CREBBP: variants seen among roughly 807,000 people sequenced by gnomAD.
CREBBP encodes CREB binding lysine acetyltransferase.
Under a neutral mutation model 265.0 loss-of-function variants are expected in CREBBP, and 19 were observed. The ratio of observed to expected loss-of-function variants is 0.07; its 90% CI spans 0.05 to 0.11. CREBBP has a LOEUF of 0.11. Among genes scored for constraint, CREBBP ranks in the 10% least tolerant of loss-of-function variants. The probability of loss-of-function intolerance (pLI) is 1.00; values close to 1 mark genes in which losing one functional copy is unlikely to be tolerated. For missense variants in CREBBP, 2,525 were observed against 3,219.0 expected (o/e 0.78, Z 5.22); for synonymous variants, 1,457 against 1,223.7 (o/e 1.19, Z -3.98).
intron 16 of CREBBP, among the ~76,000 whole-genome samples, chr16:3,762,581 C>A (rs2052747665): frequency 6.6e-6 from 1 of 152,044 alleles, no homozygotes; most frequent in African/African-American, 2.4e-5. Context: ...CTGCGCCGCT[C>A]CCCTCCTCTG....
chr16:3,843,285 A>C (rs2054601308), intron 2 of CREBBP, among the ~76,000 whole-genome samples: 1 of 152,150 alleles, frequency 6.6e-6, no homozygotes, highest in South Asian at 2.1e-4. Context: ...ACAAAGATTA[A>C]AAGTTAAGTA....
intron 3 of CREBBP, among the ~76,000 whole-genome samples, chr16:3,799,030 C>G (rs1456006635): frequency 6.6e-6 from 1 of 152,208 alleles, no homozygotes; most frequent in Non-Finnish European, 1.5e-5. Flanking sequence ...CATACTACAA[C>G]ATGAACTCCG....
At chr16:3,833,868 T>A (rs2054390873) in intron 2 of CREBBP, among the ~76,000 whole-genome samples, 1 of 152,182 alleles carries the variant, frequency 6.6e-6, no homozygotes, top group African/African-American at 2.4e-5. Flanking sequence ...GGAGAAAATA[T>A]GTGCAAGAAA....
chr16:3,773,879 G>C lies in CREBBP; in HGVS notation c.2335C>G (p.His779Asp), dbSNP rs1567302047. 6.2e-7 allele frequency: 1 copy of C among 1,612,294 alleles called. No individual in the cohort carries two copies. Among genetic ancestry groups the C allele is most frequent in the East Asian group, 2.2e-5 (1 of 44,890 alleles). The change falls in exon 13 of 31, where the codon CAC becomes GAC. Residue 779 changes from histidine to aspartate, a missense_variant. His to Asp is a moderately conservative substitution (Grantham distance 81). Transcript: ENST00000262367. ...GCCTGGGCCATCATGTTGTTGGTGT[G>C]TGCACCCATCATGTTCGGAGGCTGA... Reference protein sequence around the residue: ...MPQPPNMMGAHTNNMMAQAPA... With the variant: ...MPQPPNMMGADTNNMMAQAPA...
chr16:3,831,027 G>A (rs1410008051), intron 2 of CREBBP, among the ~76,000 whole-genome samples: 2 of 152,106 alleles, frequency 1.3e-5, no homozygotes, highest in African/African-American at 2.4e-5. Flanking sequence ...TGATCTGTCC[G>A]CCTTGGCCTC....
rs1467582916 is a variant in CREBBP at position 3,773,764 on chromosome 16, G to C, written c.2450C>G (p.Thr817Arg). 2 of 1,613,916 alleles carry C rather than the reference G, an allele frequency of 1.2e-6. No homozygotes were observed. Among genetic ancestry groups the C allele is most frequent in the Admixed American group, 1.7e-5 (1 of 60,012 alleles). Residue 817 changes from threonine to arginine, a missense_variant, in exon 13 of 31, where the codon ACA (threonine) becomes AGA (arginine). Physicochemically the swap from Thr to Arg is moderately conservative, Grantham distance 71. Transcript: ENST00000262367. ...SVGMGQPPAQ[T>R]GVSQGQVPGA... ...GGGGCACAGTACCTGTGACACGCCT[G>C]TTTGGGCTGGCGGCTGCCCCATGCC...
chr16:3,736,974 G>T, intron 26 of CREBBP, 159 bp from the exon 27 acceptor site: 1 of 869,756 alleles, frequency 1.1e-6, no homozygotes, highest in South Asian at 1.5e-5. Flanking sequence ...GGCAAGGCTC[G>T]AACTTTATCC....
rs537609194 is a variant in CREBBP at position 3,729,203 on chromosome 16, C to T, written c.5844G>A (p.Pro1948=). The T allele has an allele frequency of 4.3e-5, 14 of 322,352 alleles. No individual in the cohort carries two copies. In the East Asian group the frequency reaches 5.9e-4, roughly 14 times the overall value. The allele number at this position is 322,352 out of a possible 1,614,324, so 20.0% of individuals were successfully genotyped here. A position where few individuals can be genotyped will look rare whatever the true frequency, so the allele number is the denominator to read the frequency against. The change falls in exon 31 of 31, where the codon CCG becomes CCA. Residue 1948 remains proline (P), a synonymous_variant. Coordinates refer to ENST00000262367, the MANE Select transcript of CREBBP (RefSeq NM_004380.3). ...CCACCGCTGCAGGAGGGGGCTGGGC[C>T]GGGGGTGGGGGGGCCGGCACCTGGC... is the stretch of plus-strand genomic sequence containing the variant. ...PTSQVPAPPP[P]AQPPPAAVEA...
chr16:3,774,866 T>A (rs2053099215), intron 11 of CREBBP, 173 bp from the exon 12 acceptor site: 2 of 882,702 alleles, frequency 2.3e-6, no homozygotes, highest in African/African-American at 1.7e-5. Flanking sequence ...CTTCTCCATA[T>A]CCAGAGAAAA....
chr16:3,778,690 A>T lies in CREBBP; in HGVS notation c.1941+10T>A. The T allele has an allele frequency of 6.2e-7, 1 of 1,604,168 alleles. No individual in the cohort carries two copies. Among genetic ancestry groups the T allele is most frequent in the Non-Finnish European group, 8.5e-7 (1 of 1,171,152 alleles). The stretch of plus-strand genomic sequence containing the variant: ...CTGTAGAGGCCAGAGCACGGTAAAC[A>T]GCAACCTACCCTGCTGTTGGCAGAC... On this transcript the variant is annotated intron_variant, in intron 9 of 30. Transcript: ENST00000262367.
chr16:3,844,444 G>T (rs2054625662), intron 2 of CREBBP, among the ~76,000 whole-genome samples: 1 of 152,140 alleles, frequency 6.6e-6, no homozygotes, highest in Non-Finnish European at 1.5e-5. Flanking sequence ...GTATCAAAAA[G>T]AAATTTGATA....
At chr16:3,817,657 C>A (rs1283868942) in intron 2 of CREBBP, among the ~76,000 whole-genome samples, 1 of 152,180 alleles carries the variant, frequency 6.6e-6, no homozygotes, top group Non-Finnish European at 1.5e-5. Flanking sequence ...TAGAAGAAAT[C>A]ATCAAAATAG....
chr16:3,736,044 T>C lies in CREBBP; in HGVS notation c.4720A>G (p.Thr1574Ala). Residue 1574 changes from threonine (T) to alanine (A), a missense_variant, in exon 28 of 31, where the codon ACC becomes GCC. This residue lies in a region of CREBBP where 93 missense variants were observed against 161.5 expected (regional missense o/e 0.58). Coordinates refer to ENST00000262367, the MANE Select transcript of CREBBP (RefSeq NM_004380.3). ...CAGAGAAGGGTCTGTACCTCAGTGG[T>C]TTCACTGGCTGCAGTGCTCTCTTCC... The part of the protein sequence containing the change: ...KKEESTAASE[T>A]TEGSQGDSKN... The C allele has an allele frequency of 6.2e-7, 1 of 1,614,216 alleles. No individual in the cohort carries two copies. Among genetic ancestry groups the C allele is most frequent in the Non-Finnish European group, 8.5e-7 (1 of 1,180,028 alleles).
At chr16:3,771,107 C>A (rs1262926002) in intron 13 of CREBBP, 121 bp from the exon 14 acceptor site, 1 of 1,058,330 alleles carries the variant, frequency 9.4e-7, no homozygotes, top group South Asian at 1.4e-5. Context: ...TCACTCTTGT[C>A]GCCCAGGCTG....
Position 3,734,193 on chromosome 16 carries a change from T to A in CREBBP, c.4728+1843A>T, listed in dbSNP as rs182879023. On this transcript the variant is annotated intron_variant, in intron 28 of 30. Coordinates refer to ENST00000262367, the MANE Select transcript of CREBBP (RefSeq NM_004380.3). ...GCGAGCCTTTCCCCATTTCCCAGAA[T>A]TGACAGCATGATGCAGAGCAGAGCT... Among the ~76,000 whole-genome samples the A allele has an allele frequency of 1.6e-3, 236 of 152,142 alleles. 2 individuals carry two copies. Among genetic ancestry groups the A allele is most frequent in the Non-Finnish European group, 2.3e-3 (155 of 67,956 alleles).
At chr16:3,801,025 A>G (rs1418849234) in intron 3 of CREBBP, among the ~76,000 whole-genome samples, 2 of 152,162 alleles carry the variant, frequency 1.3e-5, no homozygotes, top group African/African-American at 4.8e-5. Context: ...TCAGGGTCCA[A>G]GGTACAGCAG....
chr16:3,875,878 C>G (rs555733845), intron 1 of CREBBP, among the ~76,000 whole-genome samples: 1 of 152,136 alleles, frequency 6.6e-6, no homozygotes, highest in Non-Finnish European at 1.5e-5. Context: ...CATAACAGAC[C>G]ATTTGGTTGA....
intron 1 of CREBBP, among the ~76,000 whole-genome samples, chr16:3,852,393 C>T (rs2054871429): frequency 1.3e-5 from 2 of 151,868 alleles, no homozygotes; most frequent in Non-Finnish European, 2.9e-5. Context: ...TGGTCTCGAT[C>T]TCCTGACCTC....
chr16:3,778,547 C>T (rs1173313439), intron 9 of CREBBP, among the ~76,000 whole-genome samples, 153 bp downstream of exon 9: 1 of 152,198 alleles, frequency 6.6e-6, no homozygotes, highest in Non-Finnish European at 1.5e-5. Flanking sequence ...AGATTTGTGT[C>T]TTATCTGGGA....
Sources: gnomAD v4.1 joint callset for allele counts (sites outside exome capture counted in the v4.1 genomes callset) on GRCh38, gnomAD v4.1.1 for gene constraint, gnomAD v4.1.1 regional missense constraint, MANE v1.5 for transcripts, NCBI Gene and HGNC (gene_info 2026-07-23, HGNC 2026-07-21) for gene names.